The following LAMA2 variants were observed in gnomAD, a reference collection of about 807,000 sequenced individuals.
The protein encoded by LAMA2 is laminin subunit alpha 2, also known as laminin subunit alpha-2.
LAMA2 carries 269 observed loss-of-function variants against 364.8 expected under a neutral mutation model. The observed-to-expected ratio is 0.74, with a 90% CI of 0.67 to 0.82. LAMA2 has a LOEUF of 0.82. Ranked by LOEUF, LAMA2 falls within the 40% of genes least tolerant of loss-of-function variation. The probability of loss-of-function intolerance (pLI) is 0.00; values close to 1 mark genes in which losing one functional copy is unlikely to be tolerated. For missense variants in LAMA2, 3,807 were observed against 3,873.2 expected (o/e 0.98, Z 0.45); for synonymous variants, 1,379 against 1,370.6 (o/e 1.01, Z -0.14).
chr6:128,929,660 T>G, intron 1 of LAMA2: 1 of 1,433,212 alleles, frequency 7.0e-7, no homozygotes, highest in Non-Finnish European at 9.8e-7. Context: ...GGTCTCGGTT[T>G]GTCACTGAAG....
At chr6:129,404,079 AC>A in intron 40 of LAMA2, 120 bp downstream of exon 40, 1 of 1,104,240 alleles carries the variant, frequency 9.1e-7, no homozygotes, top group Non-Finnish European at 1.3e-6. Context: ...ATTTTTGAAG[AC>A]CTCTTTTAAA....
chr6:129,040,082 A>G (rs1189869387), intron 1 of LAMA2, among the ~76,000 whole-genome samples: 3 of 151,958 alleles, frequency 2.0e-5, no homozygotes, highest in African/African-American at 7.3e-5. Context: ...TGGAAGCAGA[A>G]ATCTTAGAAT....
chr6:128,923,026 C>T (rs569823263), intron 1 of LAMA2, among the ~76,000 whole-genome samples: 170 of 150,198 alleles, frequency 1.1e-3, no homozygotes, highest in Admixed American at 2.5e-3. Context: ...TGTAGATATG[C>T]GGCATTATTT....
At position 129,098,434 on chromosome 6, in the gene LAMA2, C is replaced by A; in HGVS notation, c.639+19C>A. 4 of 1,613,388 alleles carry A rather than the reference C, an allele frequency of 2.5e-6. No individual in the cohort carries two copies. Among genetic ancestry groups the A allele is most frequent in the Non-Finnish European group, 3.4e-6 (4 of 1,179,666 alleles). On this transcript the variant is annotated intron_variant, in intron 4 of 64. Coordinates refer to ENST00000421865, the MANE Select transcript of LAMA2 (RefSeq NM_000426.4). ...TGGAGAGGTAAGATGAGAAAACTCA[C>A]CATTTAAGCACATTTGATACGGTGA...
chr6:129,371,812 T>C (rs1778102359), intron 34 of LAMA2, among the ~76,000 whole-genome samples: 1 of 151,962 alleles, frequency 6.6e-6, no homozygotes, highest in African/African-American at 2.4e-5. Flanking sequence ...TTTCACCATG[T>C]TCGTCAGGCT....
intron 20 of LAMA2, 73 bp downstream of exon 20, chr6:129,291,793 G>GTA: frequency 1.1e-6 from 1 of 897,968 alleles, no homozygotes; most frequent in Non-Finnish European, 1.8e-6. Context: ...GACATGTTTT[G>GTA]TATACCTTCG....
chr6:129,201,733 A>G (rs144855195), intron 12 of LAMA2, among the ~76,000 whole-genome samples: 10 of 152,348 alleles, frequency 6.6e-5, no homozygotes, highest in African/African-American at 2.4e-4. Flanking sequence ...CATCAAATCA[A>G]AAACTACCAG....
intron 44 of LAMA2, among the ~76,000 whole-genome samples, chr6:129,444,163 C>T (rs1782254369): frequency 6.6e-6 from 1 of 152,142 alleles, no homozygotes; most frequent in Admixed American, 6.6e-5. Flanking sequence ...AAAACTTCAA[C>T]TGCTCCGGAG....
At chr6:128,909,164 G>A (rs1176717105) in intron 1 of LAMA2, among the ~76,000 whole-genome samples, 2 of 151,948 alleles carry the variant, frequency 1.3e-5, no homozygotes, top group Admixed American at 6.6e-5. Flanking sequence ...GCTTGGTGCA[G>A]AGCTGAGTTC....
intron 22 of LAMA2, 150 bp downstream of exon 22, chr6:129,301,022 T>TG: frequency 1.4e-6 from 1 of 732,498 alleles, no homozygotes; most frequent in Non-Finnish European, 2.4e-6. Context: ...AATCAATATC[T>TG]TACAGTTTAC....
At chr6:129,129,938 AAAAAAT>A (rs1415013664) in intron 4 of LAMA2, among the ~76,000 whole-genome samples, 1 of 151,814 alleles carries the variant, frequency 6.6e-6, no homozygotes, top group African/African-American at 2.4e-5. Context: ...AAAAAAAAAA[AAAAAAT>A]AACATATTTT....
chr6:128,978,075 C>A (rs1459048200), intron 1 of LAMA2, among the ~76,000 whole-genome samples: 4 of 152,068 alleles, frequency 2.6e-5, no homozygotes, highest in Non-Finnish European at 5.9e-5. Context: ...GAGTTGTAAA[C>A]CTGCAATAGA....
chr6:129,089,042 G>C (rs1035437833), intron 3 of LAMA2, among the ~76,000 whole-genome samples: 1 of 152,212 alleles, frequency 6.6e-6, no homozygotes, highest in Admixed American at 6.5e-5. Context: ...CTGAGTGAAC[G>C]AGACTCCGTC....
chr6:129,249,040 T>C (rs1275146076), intron 12 of LAMA2, among the ~76,000 whole-genome samples: 1 of 152,220 alleles, frequency 6.6e-6, no homozygotes, highest in Non-Finnish European at 1.5e-5. Context: ...AGAGCTGCAA[T>C]TTAAAATCCT....
chr6:129,461,742 G>A (rs1230978250), intron 49 of LAMA2, among the ~76,000 whole-genome samples: 1 of 151,938 alleles, frequency 6.6e-6, no homozygotes, highest in Non-Finnish European at 1.5e-5. Flanking sequence ...AAAGTATTAT[G>A]CTAATTTATG....
At chr6:129,370,753 C>T (rs965887770) in intron 34 of LAMA2, among the ~76,000 whole-genome samples, 1 of 152,060 alleles carries the variant, frequency 6.6e-6, no homozygotes, top group Non-Finnish European at 1.5e-5. Context: ...AGAGCTGCCT[C>T]GGGCCATGAC....
chr6:129,055,952 A>G lies in LAMA2; in HGVS notation c.284-3832A>G, dbSNP rs975633038. On this transcript the variant is annotated intron_variant, in intron 2 of 64. Coordinates refer to ENST00000421865, the MANE Select transcript of LAMA2 (RefSeq NM_000426.4). ...TTAATTATGATTAAACTTTCATAAT[A>G]GGGATTATGGTTAATTGTTGATTCA... Among the ~76,000 whole-genome samples the G allele has an allele frequency of 3.9e-5, 6 of 152,350 alleles. 1 individual carries two copies. In the South Asian group the frequency reaches 1.2e-3, roughly 32 times the overall value.
rs1390358043 is a variant in LAMA2 at position 129,383,119 on chromosome 6, T to C, written c.4960-3T>C. The C allele has an allele frequency of 6.2e-7, 1 of 1,612,874 alleles. No individual in the cohort carries two copies. The highest frequency in any genetic ancestry group is 1.7e-5 in the Admixed American group (1 of 59,990). ...TATGTGTTTCCCGAATTTGGATCAT[T>C]AGGCTACCAAAGTGACAGCAGATGG... On this transcript the variant is annotated splice_region_variant and splice_polypyrimidine_tract_variant and intron_variant, in intron 34 of 64. Transcript: ENST00000421865.
At chr6:129,006,190 A>C (rs985597358) in intron 1 of LAMA2, among the ~76,000 whole-genome samples, 1 of 152,178 alleles carries the variant, frequency 6.6e-6, no homozygotes, top group Admixed American at 6.5e-5. Flanking sequence ...GATCAGCTTA[A>C]GAAATCTCCA....
Sources: allele counts gnomAD v4.1 joint callset (sites outside exome capture counted in the v4.1 genomes callset), GRCh38; gene constraint gnomAD v4.1.1; transcripts MANE v1.5; gene names NCBI Gene and HGNC (gene_info 2026-07-23, HGNC 2026-07-21).